CTNNA2: variants seen among roughly 807,000 people sequenced by gnomAD.
CTNNA2 encodes catenin alpha-2.
A neutral mutation model predicts 101.0 loss-of-function variants in CTNNA2; 42 were observed. The observed-to-expected ratio is 0.42, with a 90% CI of 0.32 to 0.54. CTNNA2 has a LOEUF of 0.54. Ranked by LOEUF, CTNNA2 falls within the 20% of genes least tolerant of loss-of-function variation. The probability of loss-of-function intolerance (pLI) is 0.14; values close to 1 mark genes in which losing one functional copy is unlikely to be tolerated. For synonymous variants in CTNNA2, 450 were observed against 456.4 expected, an observed-to-expected ratio of 0.99 and a Z score of 0.18; for missense variants, 871 against 1,223.1, an observed-to-expected ratio of 0.71 and a Z score of 4.29.
chr2:80,424,332 G>A (rs1217023760), intron 9 of CTNNA2, among the ~76,000 whole-genome samples: 1 of 152,162 alleles, frequency 6.6e-6, no homozygotes, highest in East Asian at 1.9e-4. Context: ...AATGTGCCAT[G>A]TTTCATATTA....
At chr2:79,277,488 T>C (rs897730795) in intron 2 of CTNNA2, among the ~76,000 whole-genome samples, 4 of 152,028 alleles carry the variant, frequency 2.6e-5, no homozygotes, top group African/African-American at 9.7e-5. Context: ...GCCTGAAGCA[T>C]CCCAAAGCCT....
intron 3 of CTNNA2, among the ~76,000 whole-genome samples, chr2:79,318,455 A>G (rs1471801938): frequency 6.6e-6 from 1 of 152,220 alleles, no homozygotes; most frequent in African/African-American, 2.4e-5. Flanking sequence ...ACCAGGTTCC[A>G]GTTCACTTTG....
intron 7 of CTNNA2, among the ~76,000 whole-genome samples, chr2:80,092,378 A>C (rs1268338572): frequency 6.6e-6 from 1 of 152,144 alleles, no homozygotes; most frequent in African/African-American, 2.4e-5. Flanking sequence ...GTAGAAAAAA[A>C]CAGGCATACA....
chr2:79,395,371 C>A (rs1292255440), intron 4 of CTNNA2, among the ~76,000 whole-genome samples: 2 of 151,986 alleles, frequency 1.3e-5, no homozygotes, highest in East Asian at 3.9e-4. Flanking sequence ...AGGTATATCT[C>A]CTAATGCTAT....
At chr2:79,990,262 T>A (rs1488280384) in intron 7 of CTNNA2, among the ~76,000 whole-genome samples, 1 of 152,136 alleles carries the variant, frequency 6.6e-6, no homozygotes, top group African/African-American at 2.4e-5. Context: ...AGGCAGCCCC[T>A]TAGAACTCCC....
At position 80,551,727 on chromosome 2, in the gene CTNNA2, G is replaced by A. The variant is rs1333212574; in HGVS notation, c.1541-3966G>A. Reference sequence around the variant, plus strand: ...CTTAAAGGAATGCTGTGGCCGATATGATCTTCTATTTAGACCACTCAAACT... The same window carrying A: ...CTTAAAGGAATGCTGTGGCCGATATAATCTTCTATTTAGACCACTCAAACT... On this transcript the variant is annotated intron_variant, in intron 11 of 18. Transcript: ENST00000402739. 3.3e-5 allele frequency among the ~76,000 whole-genome samples: 5 copies of A among 152,274 alleles called. 2 individuals are homozygous for A. The South Asian group carries it at 1.0e-3, about 32-fold the overall frequency.
At chr2:79,506,836 T>A (rs1385204008) in intron 5 of CTNNA2, among the ~76,000 whole-genome samples, 1 of 152,184 alleles carries the variant, frequency 6.6e-6, no homozygotes, top group African/African-American at 2.4e-5. Context: ...AGGCACATGG[T>A]GGTTTTGTAC....
At chr2:79,190,577 G>A (rs1673840670) in intron 1 of CTNNA2, among the ~76,000 whole-genome samples, 1 of 152,038 alleles carries the variant, frequency 6.6e-6, no homozygotes, top group Non-Finnish European at 1.5e-5. Flanking sequence ...GTAGACTCCT[G>A]CCGTTTAGAA....
At chr2:79,683,060 T>C (rs904048547) in intron 2 of CTNNA2, among the ~76,000 whole-genome samples, 5 of 152,216 alleles carry the variant, frequency 3.3e-5, no homozygotes, top group Non-Finnish European at 5.9e-5. Context: ...TCTTTACAAT[T>C]TGGTGATTGT....
At chr2:80,413,416 A>C (rs2149397644) in intron 8 of CTNNA2, among the ~76,000 whole-genome samples, 1 of 152,332 alleles carries the variant, frequency 6.6e-6, no homozygotes, top group Non-Finnish European at 1.5e-5. Context: ...AGGAAAACTA[A>C]ATAAAGCAAG....
intron 3 of CTNNA2, among the ~76,000 whole-genome samples, chr2:79,371,112 C>T (rs1405396569): frequency 6.7e-6 from 1 of 148,526 alleles, no homozygotes; most frequent in Non-Finnish European, 1.5e-5. Context: ...AGCCGAATAA[C>T]TTCTAGCATG....
intron 1 of CTNNA2, among the ~76,000 whole-genome samples, chr2:79,197,523 T>G (rs1436187675): frequency 6.6e-6 from 1 of 152,214 alleles, no homozygotes; most frequent in South Asian, 2.1e-4. Context: ...TGGGTCAGAG[T>G]TCTACCATAA....
At chr2:79,350,161 T>A (rs1677356100) in intron 3 of CTNNA2, among the ~76,000 whole-genome samples, 2 of 151,060 alleles carry the variant, frequency 1.3e-5, no homozygotes, top group African/African-American at 4.9e-5. Flanking sequence ...ATTCATAGGG[T>A]ACATGTGGAG....
intron 7 of CTNNA2, among the ~76,000 whole-genome samples, chr2:80,254,309 C>T (rs1671978704): frequency 6.6e-6 from 1 of 152,032 alleles, no homozygotes; most frequent in African/African-American, 2.4e-5. Context: ...TGCTTCTGCC[C>T]ACATTGATTC....
chr2:79,950,472 G>A (rs1377843599), intron 7 of CTNNA2, among the ~76,000 whole-genome samples: 1 of 152,174 alleles, frequency 6.6e-6, no homozygotes. Flanking sequence ...GGGTTCAGAG[G>A]CTTCGCTGTG....
chr2:80,602,940 A>G (rs578166900), intron 15 of CTNNA2, among the ~76,000 whole-genome samples: 2 of 152,234 alleles, frequency 1.3e-5, no homozygotes, highest in African/African-American at 4.8e-5. Flanking sequence ...GGAACAAAAT[A>G]TCATTCATTT....
chr2:80,047,284 G>C (rs1199977319), intron 7 of CTNNA2, among the ~76,000 whole-genome samples: 2 of 152,174 alleles, frequency 1.3e-5, no homozygotes, highest in Non-Finnish European at 2.9e-5. Context: ...TAGTCCATCA[G>C]TCACACTTAC....
intron 7 of CTNNA2, among the ~76,000 whole-genome samples, chr2:80,003,927 G>A (rs1436953884): frequency 1.3e-5 from 2 of 152,278 alleles, no homozygotes; most frequent in East Asian, 1.9e-4. Context: ...GAAGGATGAG[G>A]ATGTAAGGCT....
At chr2:80,001,792 G>A (rs950718812) in intron 7 of CTNNA2, among the ~76,000 whole-genome samples, 6 of 152,144 alleles carry the variant, frequency 3.9e-5, no homozygotes, top group South Asian at 2.1e-4. Context: ...CAGTGCTGTC[G>A]TCATCTGTCC....
Sources: allele counts gnomAD v4.1 joint callset (sites outside exome capture counted in the v4.1 genomes callset), GRCh38; gene constraint gnomAD v4.1.1; transcripts MANE v1.5; gene names NCBI Gene and HGNC (gene_info 2026-07-23, HGNC 2026-07-21).